Variants in GRIK4 observed in about 807,000 individuals in gnomAD.
GRIK4 encodes glutamate receptor ionotropic, kainate 4.
A neutral mutation model predicts 104.9 loss-of-function variants in GRIK4; 40 were observed. The ratio of observed to expected loss-of-function variants is 0.38; its 90% CI spans 0.30 to 0.50. GRIK4 has a LOEUF of 0.50. Among genes scored for constraint, GRIK4 ranks in the 20% least tolerant of loss-of-function variants. The pLI is 0.93. For synonymous variants in GRIK4, 485 were observed against 524.9 expected (o/e 0.92, Z 1.04); for missense variants, 1,047 against 1,308.1 (o/e 0.80, Z 3.08).
chr11:120,658,354 C>T (rs936117073), intron 2 of GRIK4, among the ~76,000 whole-genome samples: 11 of 152,148 alleles, frequency 7.2e-5, no homozygotes, highest in Non-Finnish European at 1.5e-4. Flanking sequence ...CATTCTAGTG[C>T]ATGTCTTTGC....
At chr11:120,672,610 A>G (rs376359445) in intron 3 of GRIK4, among the ~76,000 whole-genome samples, 2 of 152,286 alleles carry the variant, frequency 1.3e-5, no homozygotes, top group African/African-American at 4.8e-5. Context: ...TTCCTTGAGC[A>G]GCAGTTTGTA....
intron 1 of GRIK4, among the ~76,000 whole-genome samples, chr11:120,652,610 T>A (rs1433102891): frequency 6.6e-6 from 1 of 152,148 alleles, no homozygotes; most frequent in Non-Finnish European, 1.5e-5. Flanking sequence ...CATCCATTTT[T>A]TTTTTTGAGG....
At chr11:120,762,726 G>C (rs1031024517) in intron 3 of GRIK4, among the ~76,000 whole-genome samples, 3 of 152,130 alleles carry the variant, frequency 2.0e-5, no homozygotes, top group African/African-American at 7.2e-5. Context: ...TTCTGTTTAT[G>C]TGTTGGATTA....
At position 120,785,667 on chromosome 11, in the gene GRIK4, T is replaced by C. The variant is rs375911512; in HGVS notation, c.83-17026T>C. On this transcript the variant is annotated intron_variant, in intron 3 of 20. Coordinates refer to ENST00000527524, the MANE Select transcript of GRIK4 (RefSeq NM_014619.5). Reference sequence around the variant, plus strand: ...GCCTAACATTTGCCTGGCTCTGTGCTGAGTTGTATGGGGGTTACAGGATGA... The same window carrying C: ...GCCTAACATTTGCCTGGCTCTGTGCCGAGTTGTATGGGGGTTACAGGATGA... Among the ~76,000 whole-genome samples, 13 of 152,344 alleles carry C rather than the reference T, an allele frequency of 8.5e-5. No individual in the cohort carries two copies. In the East Asian group the frequency reaches 2.5e-3, roughly 29 times the overall value.
At chr11:120,888,429 G>T (rs1955181453) in intron 11 of GRIK4, among the ~76,000 whole-genome samples, 1 of 152,126 alleles carries the variant, frequency 6.6e-6, no homozygotes, top group African/African-American at 2.4e-5. Flanking sequence ...TAGATGAGAT[G>T]ACAAATATAA....
intron 13 of GRIK4, among the ~76,000 whole-genome samples, chr11:120,929,121 T>C (rs578109034): frequency 4.6e-5 from 7 of 152,326 alleles, no homozygotes; most frequent in Non-Finnish European, 8.8e-5. Context: ...ATATCCTGGT[T>C]CTGAAAGAAG....
At chr11:120,647,733 C>G (rs1194767512) in intron 1 of GRIK4, among the ~76,000 whole-genome samples, 1 of 152,256 alleles carries the variant, frequency 6.6e-6, no homozygotes, top group Admixed American at 6.5e-5. Flanking sequence ...AGCACTGTTC[C>G]TTGTTTTGTG....
chr11:120,785,340 C>A (rs916226555), intron 3 of GRIK4, among the ~76,000 whole-genome samples: 3 of 152,190 alleles, frequency 2.0e-5, no homozygotes, highest in Non-Finnish European at 4.4e-5. Flanking sequence ...TGGGGACTAT[C>A]TTCCTACCCA....
At chr11:120,705,902 G>C (rs1591820836) in intron 3 of GRIK4, among the ~76,000 whole-genome samples, 2 of 152,170 alleles carry the variant, frequency 1.3e-5, no homozygotes, top group African/African-American at 4.8e-5. Context: ...CTCTAGTAGT[G>C]TTCGTGGATT....
chr11:120,777,867 G>A (rs968785686), intron 3 of GRIK4, among the ~76,000 whole-genome samples: 16 of 150,744 alleles, frequency 1.1e-4, no homozygotes, highest in Non-Finnish European at 7.4e-5. Context: ...AACTTGGGAG[G>A]TTAAGGTTGC....
chr11:120,605,349 C>T (rs1565570538), intron 1 of GRIK4, among the ~76,000 whole-genome samples: 1 of 152,206 alleles, frequency 6.6e-6, no homozygotes, highest in Non-Finnish European at 1.5e-5. Context: ...GGGCCAGTCT[C>T]CTGCCCTCTC....
At chr11:120,643,217 G>A (rs1199192724) in intron 1 of GRIK4, among the ~76,000 whole-genome samples, 1 of 152,100 alleles carries the variant, frequency 6.6e-6, no homozygotes, top group Non-Finnish European at 1.5e-5. Context: ...AGCTACAAGG[G>A]GATAAGTGCT....
chr11:120,918,824 G>A (rs1401866077), intron 13 of GRIK4, among the ~76,000 whole-genome samples: 1 of 152,232 alleles, frequency 6.6e-6, no homozygotes, highest in East Asian at 1.9e-4. Flanking sequence ...AGCCAGGCAA[G>A]GCTTCAGAGC....
At chr11:120,624,227 C>T (rs57346428) in intron 1 of GRIK4, among the ~76,000 whole-genome samples, 2,907 of 152,294 alleles carry the variant, frequency 0.019, 88 homozygotes, top group African/African-American at 0.067. Context: ...ACCAAGGGCT[C>T]TTGAGGTCCC....
At chr11:120,741,587 T>C (rs1184509618) in intron 3 of GRIK4, among the ~76,000 whole-genome samples, 7 of 152,128 alleles carry the variant, frequency 4.6e-5, no homozygotes, top group Non-Finnish European at 1.0e-4. Flanking sequence ...CCTGGCAATG[T>C]GCTCTTAACC....
chr11:120,604,171 CAAAAAAAAA>C (rs59469495), intron 1 of GRIK4, among the ~76,000 whole-genome samples: 1 of 51,780 alleles, frequency 1.9e-5, no homozygotes, highest in Non-Finnish European at 3.4e-5. Flanking sequence ...GACTCCTTCT[CAAAAAAAAA>C]AAAAAAAAAA....
intron 1 of GRIK4, among the ~76,000 whole-genome samples, chr11:120,630,769 A>G (rs1465620107): frequency 6.6e-6 from 1 of 152,216 alleles, no homozygotes; most frequent in Non-Finnish European, 1.5e-5. Context: ...CGGATGTTGG[A>G]CAGTGTGATG....
intron 3 of GRIK4, among the ~76,000 whole-genome samples, chr11:120,764,373 C>A (rs1311744242): frequency 1.3e-5 from 2 of 152,262 alleles, no homozygotes; most frequent in East Asian, 3.9e-4. Flanking sequence ...ATACAGCACA[C>A]CGATGGGTCT....
chr11:120,766,762 C>A (rs1951848027), intron 3 of GRIK4, among the ~76,000 whole-genome samples: 1 of 151,684 alleles, frequency 6.6e-6, no homozygotes, highest in Non-Finnish European at 1.5e-5. Context: ...CCTGCTTCTG[C>A]TTGCCCTCTG....
Sources: allele counts gnomAD v4.1 joint callset (sites outside exome capture counted in the v4.1 genomes callset), GRCh38; gene constraint gnomAD v4.1.1; transcripts MANE v1.5; gene names NCBI Gene and HGNC (gene_info 2026-07-23, HGNC 2026-07-21).